The following CACNA2D1 variants were observed in gnomAD, a reference collection of about 807,000 sequenced individuals.
CACNA2D1 encodes the protein voltage-dependent calcium channel subunit alpha-2/delta-1.
Under a neutral mutation model 171.5 loss-of-function variants are expected in CACNA2D1, and 53 were observed. The observed-to-expected ratio is 0.31, with a 90% CI of 0.25 to 0.39. CACNA2D1 has a LOEUF of 0.39. Ranked by LOEUF, CACNA2D1 falls within the 10% of genes least tolerant of loss-of-function variation. The pLI is 1.00. For synonymous variants in CACNA2D1, 442 were observed against 443.1 expected (o/e 1.00, Z 0.03); for missense variants, 903 against 1,299.8 (o/e 0.69, Z 4.69).
chr7:82,196,328 T>C (rs1055210864), intron 3 of CACNA2D1, among the ~76,000 whole-genome samples: 1 of 151,992 alleles, frequency 6.6e-6, no homozygotes, highest in South Asian at 2.1e-4. Flanking sequence ...TACTACACTA[T>C]GAGGTTTGGA....
chr7:82,322,974 C>T lies in CACNA2D1; in HGVS notation c.294+12161G>A, dbSNP rs1816182811. Among the ~76,000 whole-genome samples the T allele has an allele frequency of 2.0e-5, 3 of 152,118 alleles. No individual in the cohort carries two copies. In the South Asian group the frequency reaches 6.2e-4, roughly 32 times the overall value. On this transcript the variant is annotated intron_variant, in intron 3 of 38. Transcript: ENST00000356860. ...AGGGGTTAACAAGGAAAAGGGAAAACTAAATATCAAGAGATTAAAAAACAA... is the reference window on the plus strand; with the variant it reads ...AGGGGTTAACAAGGAAAAGGGAAAATTAAATATCAAGAGATTAAAAAACAA...
At chr7:81,983,241 T>G in intron 23 of CACNA2D1, 73 bp downstream of exon 23, 1 of 1,266,842 alleles carries the variant, frequency 7.9e-7, no homozygotes, top group South Asian at 1.2e-5. Context: ...TAATATCCAA[T>G]AGGAAGGAAA....
chr7:82,377,227 C>CA (rs1413994926), intron 1 of CACNA2D1, among the ~76,000 whole-genome samples: 1 of 152,040 alleles, frequency 6.6e-6, no homozygotes, highest in Non-Finnish European at 1.5e-5. Context: ...CTTCTTTTGC[C>CA]AAAAAACCTA....
At chr7:82,022,400 T>G (rs577539178) in intron 12 of CACNA2D1, among the ~76,000 whole-genome samples, 1 of 152,022 alleles carries the variant, frequency 6.6e-6, no homozygotes, top group South Asian at 2.1e-4. Flanking sequence ...AGCTAAAAAT[T>G]TAAGAAGCTG....
intron 11 of CACNA2D1, among the ~76,000 whole-genome samples, chr7:82,036,197 G>T (rs1293664911): frequency 2.6e-5 from 4 of 151,980 alleles, no homozygotes; most frequent in Non-Finnish European, 4.4e-5. Flanking sequence ...CTCCTTAATA[G>T]CTCCTCACTT....
Position 81,959,829 on chromosome 7 carries a change from T to C in CACNA2D1, c.2967A>G (p.Arg989=). 1 of 1,611,642 alleles carries C rather than the reference T, an allele frequency of 6.2e-7. No individual in the cohort carries two copies. The highest frequency in any genetic ancestry group is 8.5e-7 in the Non-Finnish European group (1 of 1,178,584). Residue 989 remains arginine, a splice_region_variant and synonymous_variant, in exon 37 of 39, where the codon AGA becomes AGG. Transcript: ENST00000356860. ...SGVLDCGNCS[R]IFHGEKLMNT... ...TCATAAGCTTTTCTCCATGAAAGATTCTGCAAAATAAATATGGTATCATAG... is the reference window on the plus strand; with the variant it reads ...TCATAAGCTTTTCTCCATGAAAGATCCTGCAAAATAAATATGGTATCATAG...
At chr7:82,176,746 A>G (rs1160699516) in intron 3 of CACNA2D1, among the ~76,000 whole-genome samples, 1 of 151,852 alleles carries the variant, frequency 6.6e-6, no homozygotes, top group Non-Finnish European at 1.5e-5. Context: ...ATAAATATTT[A>G]CTAAGGCTCG....
chr7:82,412,892 T>C (rs1338015354), intron 1 of CACNA2D1, among the ~76,000 whole-genome samples: 3 of 152,042 alleles, frequency 2.0e-5, no homozygotes, highest in Non-Finnish European at 4.4e-5. Flanking sequence ...TCAGAATTAA[T>C]AACAGAAACA....
intron 3 of CACNA2D1, among the ~76,000 whole-genome samples, chr7:82,195,208 A>T: frequency 6.6e-6 from 1 of 152,040 alleles, no homozygotes; most frequent in Admixed American, 6.6e-5. Flanking sequence ...ATTATAGAAC[A>T]GTCTCATAAG....
At chr7:82,112,347 G>A (rs1232332361) in intron 6 of CACNA2D1, among the ~76,000 whole-genome samples, 2 of 152,110 alleles carry the variant, frequency 1.3e-5, no homozygotes, top group African/African-American at 2.4e-5. Flanking sequence ...CACCAGAACT[G>A]AATGGTCTAC....
intron 5 of CACNA2D1, among the ~76,000 whole-genome samples, chr7:82,121,522 T>C (rs749666458): frequency 2.6e-5 from 4 of 152,198 alleles, no homozygotes; most frequent in Non-Finnish European, 5.9e-5. Flanking sequence ...TATTAAATGA[T>C]GAATCTAGTA....
intron 7 of CACNA2D1, among the ~76,000 whole-genome samples, chr7:82,077,693 T>A (rs2129001174): frequency 6.6e-6 from 1 of 151,830 alleles, no homozygotes; most frequent in Non-Finnish European, 1.5e-5. Context: ...AATTTAAAGT[T>A]TATATAATGA....
At chr7:82,157,070 C>G (rs570335886) in intron 4 of CACNA2D1, among the ~76,000 whole-genome samples, 1 of 152,088 alleles carries the variant, frequency 6.6e-6, no homozygotes, top group Non-Finnish European at 1.5e-5. Flanking sequence ...AATTATGGTA[C>G]AATTGCCTGT....
chr7:82,189,275 A>G (rs1798066290), intron 3 of CACNA2D1, among the ~76,000 whole-genome samples: 1 of 152,024 alleles, frequency 6.6e-6, no homozygotes, highest in African/African-American at 2.4e-5. Context: ...GCATAAGCAC[A>G]GTATAAATGA....
intron 6 of CACNA2D1, among the ~76,000 whole-genome samples, chr7:82,108,900 C>T (rs1788060106): frequency 1.3e-5 from 2 of 152,196 alleles, no homozygotes; most frequent in African/African-American, 4.8e-5. Flanking sequence ...TTACCATTTC[C>T]CTGCTCGCAC....
At chr7:82,302,463 T>C (rs1336071851) in intron 3 of CACNA2D1, among the ~76,000 whole-genome samples, 3 of 149,438 alleles carry the variant, frequency 2.0e-5, no homozygotes, top group African/African-American at 7.4e-5. Flanking sequence ...CAGGCTGGAG[T>C]GCAATGGTGC....
rs149333241 is a variant in CACNA2D1, at chr7:82,349,616, G to A, written c.129C>T (p.Asp43=). 5 of 1,613,842 alleles carry A rather than the reference G, an allele frequency of 3.1e-6. No homozygotes were observed. In the East Asian group the frequency reaches 6.7e-5, roughly 22 times the overall value. Residue 43 remains aspartate, a synonymous_variant, in exon 2 of 39, where the codon GAC becomes GAT. Transcript: ENST00000356860. The part of the protein sequence containing the change: ...IKSWVDKMQE[D]LVTLAKTASG... ...TTGCTGTTTTTGCCAGTGTGACAAG[G>A]TCTTCTTGCATCTTATCCACCCATG...
chr7:82,140,592 A>T (rs559120017), intron 4 of CACNA2D1, among the ~76,000 whole-genome samples: 1 of 152,184 alleles, frequency 6.6e-6, no homozygotes, highest in Non-Finnish European at 1.5e-5. Flanking sequence ...CCAAATATTC[A>T]AAGAGCACTT....
intron 3 of CACNA2D1, among the ~76,000 whole-genome samples, chr7:82,196,829 A>G (rs1257366089): frequency 6.6e-6 from 1 of 150,522 alleles, no homozygotes; most frequent in Non-Finnish European, 1.5e-5. Context: ...TTTTTTTTTT[A>G]TATATGTGAA....
Sources: gnomAD v4.1 joint callset for allele counts (sites outside exome capture counted in the v4.1 genomes callset) on GRCh38, gnomAD v4.1.1 for gene constraint, MANE v1.5 for transcripts, NCBI Gene and HGNC (gene_info 2026-07-23, HGNC 2026-07-21) for gene names.